DRICH1: variants seen among roughly 807,000 people sequenced by gnomAD.
The protein encoded by DRICH1 is aspartate rich 1, also known as aspartate-rich protein 1.
In DRICH1, 38 loss-of-function variants were observed where a neutral mutation model predicts 39.5. The observed-to-expected ratio is 0.96, with a 90% CI of 0.74 to 1.26. DRICH1 has a LOEUF of 1.26. Ranked by LOEUF, DRICH1 falls within the 50% of genes most tolerant of loss-of-function variation. The pLI is 0.00. For missense variants in DRICH1, 279 were observed against 270.4 expected (o/e 1.03, Z -0.22); for synonymous variants, 84 against 99.5 (o/e 0.84, Z 0.93).
chr22:23,596,168 T>C, the DRICH1 span, among the ~76,000 whole-genome samples: 1 of 152,222 alleles, frequency 6.6e-6, no homozygotes, highest in African/African-American at 2.4e-5. Context: ...TTTCTGTCTC[T>C]TCTGAGAGTC....
At chr22:23,609,271 GTTGA>G (rs1926902849) in intron 11 of DRICH1, among the ~76,000 whole-genome samples, 1 of 152,240 alleles carries the variant, frequency 6.6e-6, no homozygotes, top group South Asian at 2.1e-4. Flanking sequence ...TCTGGGGCAA[GTTGA>G]TTAACTGCTC....
chr22:23,593,606 CTGGTGAACA>C, the DRICH1 span, among the ~76,000 whole-genome samples: 1 of 152,206 alleles, frequency 6.6e-6, no homozygotes, highest in Non-Finnish European at 1.5e-5. Flanking sequence ...CGAGACCATT[CTGGTGAACA>C]TGGTGAAACC....
chr22:23,593,103 A>C, the DRICH1 span, among the ~76,000 whole-genome samples: 91 of 152,282 alleles, frequency 6.0e-4, no homozygotes, highest in African/African-American at 2.0e-3. Context: ...AAAGACCTTA[A>C]AACCATCTTA....
chr22:23,605,304 A>T (rs968645168), downstream of DRICH1, among the ~76,000 whole-genome samples: 3 of 152,124 alleles, frequency 2.0e-5, no homozygotes, highest in Non-Finnish European at 4.4e-5. Context: ...TCCCCCCAAC[A>T]GGTCCTCCCC....
the DRICH1 span, among the ~76,000 whole-genome samples, chr22:23,591,335 G>A: frequency 6.6e-6 from 1 of 152,254 alleles, no homozygotes; most frequent in Admixed American, 6.5e-5. Context: ...ACACTCTCAA[G>A]GACTGCACTG....
downstream of DRICH1, chr22:23,607,129 C>T: frequency 6.5e-6 from 1 of 152,782 alleles, no homozygotes; most frequent in Non-Finnish European, 1.5e-5. Context: ...TCGTCCTGGA[C>T]CCGCTGTCTC....
At chr22:23,593,087 C>G in the DRICH1 span, among the ~76,000 whole-genome samples, 1 of 151,498 alleles carries the variant, frequency 6.6e-6, no homozygotes, top group African/African-American at 2.4e-5. Flanking sequence ...ATCAGACTTG[C>G]TAGACAAAGA....
At chr22:23,581,972 C>T in the DRICH1 span, among the ~76,000 whole-genome samples, 7 of 151,664 alleles carry the variant, frequency 4.6e-5, no homozygotes, top group East Asian at 1.4e-3. Context: ...GCAACCATCA[C>T]CACCATCCAT....
downstream of DRICH1, among the ~76,000 whole-genome samples, chr22:23,607,896 C>G (rs967613513): frequency 3.3e-5 from 5 of 152,202 alleles, no homozygotes; most frequent in African/African-American, 1.2e-4. Flanking sequence ...TGCTCCAGAC[C>G]CAAAGGTCAC....
At chr22:23,630,639 T>G (rs1422451533) in intron 1 of DRICH1, 2 of 152,190 alleles carry the variant, frequency 1.3e-5, no homozygotes, top group African/African-American at 4.8e-5. Flanking sequence ...TCCACATTTT[T>G]GGGGGAAAAC....
At chr22:23,593,400 A>G in the DRICH1 span, among the ~76,000 whole-genome samples, 53,896 of 152,096 alleles carry the variant, frequency 0.35, 9,657 homozygotes, top group Admixed American at 0.44. Context: ...GCGGTGGCTC[A>G]TGCCTGTAAT....
At chr22:23,582,836 C>T in the DRICH1 span, among the ~76,000 whole-genome samples, 1 of 151,552 alleles carries the variant, frequency 6.6e-6, no homozygotes, top group Non-Finnish European at 1.5e-5. Flanking sequence ...GCTGGGATTA[C>T]AGGCGTGAGC....
At chr22:23,621,119 C>G (rs1927700402) in intron 4 of DRICH1, among the ~76,000 whole-genome samples, 2 of 152,096 alleles carry the variant, frequency 1.3e-5, no homozygotes, top group South Asian at 4.1e-4. Context: ...ATTTTTAACA[C>G]AATCTGCCTT....
chr22:23,613,943 T>TG (rs1450599471), intron 9 of DRICH1, among the ~76,000 whole-genome samples, 192 bp downstream of exon 9: 1 of 152,242 alleles, frequency 6.6e-6, no homozygotes, highest in Admixed American at 6.5e-5. Context: ...TAATGGATGC[T>TG]GTCATTTAAA....
Position 23,622,176 on chromosome 22 carries a change from C to T in DRICH1, c.299G>A (p.Gly100Asp), listed in dbSNP as rs1927782313. 6.2e-7 allele frequency: 1 copy of T among 1,613,822 alleles called. No homozygotes were observed. Among genetic ancestry groups the T allele is most frequent in the Admixed American group, 1.7e-5 (1 of 60,018 alleles). ...DAKILPSPVQ[G>D]SSEDNLSLVC... ...TAAACTCAGGTTGTCCTCAGAAGAA[C>T]CTGGAAGGACACAGAGGAAAGATCC... Residue 100 changes from glycine to aspartate, a missense_variant and splice_region_variant, in exon 4 of 12, where the codon GGT becomes GAT. Coordinates refer to ENST00000317749, the MANE Select transcript of DRICH1 (RefSeq NM_016449.4).
At chr22:23,606,579 C>T (rs991116452), downstream of DRICH1, among the ~76,000 whole-genome samples, 2 of 152,196 alleles carry the variant, frequency 1.3e-5, no homozygotes, top group African/African-American at 2.4e-5. Flanking sequence ...TCTGACCAGG[C>T]GTGAGTCTCC....
At chr22:23,617,460 T>C in intron 7 of DRICH1, 115 bp downstream of exon 7, 1 of 1,211,150 alleles carries the variant, frequency 8.3e-7, no homozygotes, top group Non-Finnish European at 1.2e-6. Context: ...CTGGGAAATC[T>C]CACTTTTACT....
downstream of DRICH1, among the ~76,000 whole-genome samples, chr22:23,607,963 T>C (rs573256481): frequency 1.2e-4 from 19 of 152,294 alleles, no homozygotes; most frequent in African/African-American, 4.3e-4. Context: ...ACTGCTGAGG[T>C]GGGGAAACCC....
At chr22:23,592,341 G>C in the DRICH1 span, among the ~76,000 whole-genome samples, 1 of 152,192 alleles carries the variant, frequency 6.6e-6, no homozygotes, top group Non-Finnish European at 1.5e-5. Flanking sequence ...CCTCAGGTAA[G>C]GCAGAGTAAT....
Sources: allele counts gnomAD v4.1 joint callset (sites outside exome capture counted in the v4.1 genomes callset), GRCh38; gene constraint gnomAD v4.1.1; transcripts MANE v1.5; gene names NCBI Gene and HGNC (gene_info 2026-07-23, HGNC 2026-07-21).